Variants in FBN1 observed in about 807,000 individuals in gnomAD.
The protein encoded by FBN1 is fibrillin-1.
In FBN1, 29 loss-of-function variants were observed where a neutral mutation model predicts 365.1. The ratio of observed to expected loss-of-function variants is 0.08; its 90% CI spans 0.06 to 0.11. The LOEUF (loss-of-function observed/expected upper bound fraction) is 0.11. FBN1 is among the 10% of genes least tolerant of loss of function. The pLI is 1.00. For missense variants in FBN1, 2,476 were observed against 3,703.2 expected, an observed-to-expected ratio of 0.67 and a Z score of 8.60; for synonymous variants, 1,210 against 1,270.5, an observed-to-expected ratio of 0.95 and a Z score of 1.01.
chr15:48,599,582 C>G (rs990134155), intron 5 of FBN1, among the ~76,000 whole-genome samples: 5 of 151,502 alleles, frequency 3.3e-5, no homozygotes, highest in Non-Finnish European at 1.5e-5. Flanking sequence ...TCGTCTTCTG[C>G]AAAGCACAGG....
intron 5 of FBN1, among the ~76,000 whole-genome samples, chr15:48,596,824 A>C (rs1401883347): frequency 2.0e-5 from 3 of 152,250 alleles, no homozygotes; most frequent in Non-Finnish European, 4.4e-5. Flanking sequence ...AAACAACAAA[A>C]TACTACTAAT....
chr15:48,548,886 T>C (rs769889267), intron 6 of FBN1, among the ~76,000 whole-genome samples: 12 of 152,186 alleles, frequency 7.9e-5, no homozygotes, highest in Non-Finnish European at 1.6e-4. Flanking sequence ...ATGTTAACAA[T>C]AATTAAAATG....
intron 6 of FBN1, among the ~76,000 whole-genome samples, chr15:48,586,228 A>C (rs1197133160): frequency 6.6e-6 from 1 of 152,196 alleles, no homozygotes; most frequent in Non-Finnish European, 1.5e-5. Flanking sequence ...AGTGAATGGC[A>C]AAAACCAAAA....
chr15:48,613,392 C>G (rs1428611972), intron 2 of FBN1, among the ~76,000 whole-genome samples: 2 of 152,054 alleles, frequency 1.3e-5, no homozygotes, highest in East Asian at 3.9e-4. Context: ...TTAAATTAGA[C>G]AATAAACTTA....
At chr15:48,573,222 T>C (rs904970489) in intron 6 of FBN1, among the ~76,000 whole-genome samples, 1 of 152,214 alleles carries the variant, frequency 6.6e-6, no homozygotes, top group African/African-American at 2.4e-5. Flanking sequence ...TGTTTTTCCA[T>C]ATATTTATAT....
rs577442116 is a variant in FBN1 at position 48,602,927 on chromosome 15, C to G, written c.347-2693G>C. Among the ~76,000 whole-genome samples, 8 of 152,254 alleles carry G rather than the reference C, an allele frequency of 5.3e-5. No individual in the cohort carries two copies. In the East Asian group the frequency reaches 1.5e-3, roughly 29 times the overall value. On this transcript the variant is annotated intron_variant, in intron 4 of 65. Coordinates refer to ENST00000316623, the MANE Select transcript of FBN1 (RefSeq NM_000138.5). ...ACAGGAAATGATGTCATCTGTCAAG[C>G]AGCATAGGAACTCAGCCTTCAAACT... is the stretch of plus-strand genomic sequence containing the variant.
intron 63 of FBN1, among the ~76,000 whole-genome samples, chr15:48,420,235 C>T (rs892896104): frequency 3.9e-5 from 6 of 152,194 alleles, no homozygotes; most frequent in Non-Finnish European, 8.8e-5. Context: ...AAAACACAAC[C>T]TTGCTGTGTT....
At chr15:48,524,457 C>A (rs34054358) in intron 9 of FBN1, among the ~76,000 whole-genome samples, 16,865 of 152,148 alleles carry the variant, frequency 0.11, 1,090 homozygotes, top group Non-Finnish European at 0.14. Context: ...CTCATCACTA[C>A]GGATAATTTT....
At chr15:48,630,116 C>CA (rs1290381434) in intron 2 of FBN1, among the ~76,000 whole-genome samples, 4 of 152,198 alleles carry the variant, frequency 2.6e-5, no homozygotes, top group Non-Finnish European at 4.4e-5. Context: ...CATGTCGGTC[C>CA]AGGGGATGGA....
intron 18 of FBN1, 41 bp from the exon 19 acceptor site, chr15:48,497,432 A>T: frequency 6.4e-7 from 1 of 1,560,462 alleles, no homozygotes; most frequent in South Asian, 1.1e-5. Flanking sequence ...AGATTATAAA[A>T]TAAATACTGA....
chr15:48,578,342 T>C (rs2044365080), intron 6 of FBN1, among the ~76,000 whole-genome samples: 1 of 152,186 alleles, frequency 6.6e-6, no homozygotes, highest in Non-Finnish European at 1.5e-5. Context: ...CTGGTACTAA[T>C]GTTATTTTTT....
intron 8 of FBN1, among the ~76,000 whole-genome samples, chr15:48,531,519 C>G (rs2043973034): frequency 6.6e-6 from 1 of 152,142 alleles, no homozygotes; most frequent in South Asian, 2.1e-4. Flanking sequence ...AAAGCAATGG[C>G]AAAGGTACCA....
intron 6 of FBN1, among the ~76,000 whole-genome samples, chr15:48,544,130 GA>G (rs2044078514): frequency 1.3e-5 from 2 of 151,944 alleles, no homozygotes; most frequent in African/African-American, 4.8e-5. Context: ...AATTTCAGGG[GA>G]AAGAAATTCC....
At chr15:48,585,280 T>G (rs920683657) in intron 6 of FBN1, among the ~76,000 whole-genome samples, 5 of 152,304 alleles carry the variant, frequency 3.3e-5, no homozygotes, top group African/African-American at 1.2e-4. Flanking sequence ...ACTCAACCAT[T>G]AGAACATTCT....
At chr15:48,569,315 A>G (rs1003329945) in intron 6 of FBN1, among the ~76,000 whole-genome samples, 1 of 152,152 alleles carries the variant, frequency 6.6e-6, no homozygotes, top group Admixed American at 6.5e-5. Context: ...AAAGAAAGAC[A>G]GTAAAATAGT....
rs558511173 is a variant in FBN1 at position 48,496,985 on chromosome 15, C to A, written c.2293+281G>T. Among the ~76,000 whole-genome samples, 14 of 152,272 alleles carry A rather than the reference C, an allele frequency of 9.2e-5. No homozygotes were observed. In the South Asian group the frequency reaches 2.7e-3, roughly 29 times the overall value. On this transcript the variant is annotated intron_variant, in intron 19 of 65. Transcript: ENST00000316623. ...GGCTCAGAATCTCTGCATCTTATAT[C>A]TAAGGAGCTTCTCTTTGAAGGAGTG...
At chr15:48,550,174 T>C (rs986013461) in intron 6 of FBN1, among the ~76,000 whole-genome samples, 1 of 152,194 alleles carries the variant, frequency 6.6e-6, no homozygotes, top group African/African-American at 2.4e-5. Context: ...AGTGGTCAAA[T>C]CATGAACCAT....
intron 43 of FBN1, 152 bp downstream of exon 43, chr15:48,460,094 C>T (rs375868340): frequency 5.8e-6 from 4 of 686,866 alleles, no homozygotes; most frequent in Middle Eastern, 2.6e-4. Context: ...GGTGTTTGCA[C>T]AGTTTGTTTC....
intron 44 of FBN1, among the ~76,000 whole-genome samples, chr15:48,454,540 C>T (rs376518319): frequency 1.4e-4 from 22 of 152,304 alleles, no homozygotes; most frequent in African/African-American, 5.1e-4. Flanking sequence ...CATGCTATAT[C>T]ATGGGGCAAA....
Sources: gnomAD v4.1 joint callset for allele counts (sites outside exome capture counted in the v4.1 genomes callset) on GRCh38, gnomAD v4.1.1 for gene constraint, MANE v1.5 for transcripts, NCBI Gene and HGNC (gene_info 2026-07-23, HGNC 2026-07-21) for gene names.